ALDH5A1: variants seen among roughly 807,000 people sequenced by gnomAD.
The protein encoded by ALDH5A1 is succinate-semialdehyde dehydrogenase, mitochondrial.
A neutral mutation model predicts 54.7 loss-of-function variants in ALDH5A1; 33 were observed. The ratio of observed to expected loss-of-function variants is 0.60; its 90% CI spans 0.46 to 0.81. ALDH5A1 has a LOEUF of 0.81. ALDH5A1 is among the 30% of genes least tolerant of loss of function. The pLI is 0.00. For synonymous variants in ALDH5A1, 294 were observed against 292.7 expected (o/e 1.00, Z -0.05); for missense variants, 657 against 711.0 (o/e 0.92, Z 0.86).
At chr6:24,515,695 C>T (rs1041856812) in intron 5 of ALDH5A1, among the ~76,000 whole-genome samples, 3 of 152,140 alleles carry the variant, frequency 2.0e-5, no homozygotes, top group Admixed American at 6.5e-5. Flanking sequence ...GCACTCCAGA[C>T]TGGGTGACAG....
chr6:24,500,791 G>C (rs1036524218), intron 1 of ALDH5A1, among the ~76,000 whole-genome samples: 3 of 151,890 alleles, frequency 2.0e-5, no homozygotes, highest in African/African-American at 7.3e-5. Context: ...AATTTATGAC[G>C]CAGTATACCT....
intron 8 of ALDH5A1, among the ~76,000 whole-genome samples, chr6:24,530,080 T>C (rs1473354828): frequency 6.6e-6 from 1 of 152,238 alleles, no homozygotes; most frequent in Non-Finnish European, 1.5e-5. Context: ...AGTAGTCTAT[T>C]ATTGTGATAC....
chr6:24,512,132 G>A (rs566664895), intron 4 of ALDH5A1, among the ~76,000 whole-genome samples: 2 of 152,286 alleles, frequency 1.3e-5, no homozygotes, highest in Admixed American at 1.3e-4. Flanking sequence ...AAGTCTACCA[G>A]GCTCCAGGCT....
chr6:24,520,649 C>A, intron 6 of ALDH5A1, 105 bp downstream of exon 6: 10 of 1,277,016 alleles, frequency 7.8e-6, no homozygotes, highest in South Asian at 1.6e-5. Context: ...TGTGTGTGTG[C>A]GTGTGTGTGT....
intron 7 of ALDH5A1, among the ~76,000 whole-genome samples, chr6:24,523,455 A>G (rs1305981673): frequency 6.6e-6 from 1 of 152,126 alleles, no homozygotes; most frequent in Non-Finnish European, 1.5e-5. Flanking sequence ...AATTCTGCCT[A>G]CCAGTTATAT....
At chr6:24,510,413 C>T (rs2817228) in intron 4 of ALDH5A1, among the ~76,000 whole-genome samples, 30,224 of 151,964 alleles carry the variant, frequency 0.2, 3,368 homozygotes, top group Non-Finnish European at 0.25. Context: ...TGAAATCCCC[C>T]ATTATTATTG....
rs1759536295 is a variant in ALDH5A1 at position 24,515,068 on chromosome 6, C to CT, written c.727-94dup. 4.6e-6 allele frequency: 6 copies of CT among 1,291,870 alleles called. No individual in the cohort carries two copies. The South Asian group carries it at 8.7e-5, about 19-fold the overall frequency. The allele number at this position is 1,291,870 out of a possible 1,614,324, so 80.0% of individuals were successfully genotyped here. On this transcript the variant is annotated intron_variant, in intron 4 of 9. Coordinates refer to ENST00000357578, the MANE Select transcript of ALDH5A1 (RefSeq NM_001080.3). ...TGTCAGCTTAATTTTTCTTCCATTACTTTTTGGGTTAAGTATCTATTTATT... is the reference window on the plus strand; with the variant it reads ...TGTCAGCTTAATTTTTCTTCCATTACTTTTTTGGGTTAAGTATCTATTTATT...
intron 1 of ALDH5A1, among the ~76,000 whole-genome samples, chr6:24,499,852 G>A (rs1200154086): frequency 6.6e-6 from 1 of 151,996 alleles, no homozygotes; most frequent in Non-Finnish European, 1.5e-5. Context: ...GTAGAGACGG[G>A]GTTTCACCGT....
intron 8 of ALDH5A1, among the ~76,000 whole-genome samples, chr6:24,528,529 A>AT (rs1759866218): frequency 6.6e-6 from 1 of 151,414 alleles, no homozygotes; most frequent in Admixed American, 6.6e-5. Context: ...TACCAGGCTA[A>AT]TTTTTTGTAT....
rs1270764197 is a variant in ALDH5A1, at chr6:24,499,741, A to ACTGGCTC, written c.355-2782_355-2781insCTGGCTC. On this transcript the variant is annotated intron_variant, in intron 1 of 9. Coordinates refer to ENST00000357578, the MANE Select transcript of ALDH5A1 (RefSeq NM_001080.3). Reference sequence around the variant, plus strand: ...GAGTGCAGTGGCGCAGTCTCGGCTCAACTGCAACCTCCGCCTCCTAGGTTC... The same window carrying ACTGGCTC: ...GAGTGCAGTGGCGCAGTCTCGGCTCACTGGCTCACTGCAACCTCCGCCTCCTAGGTTC... 1.7e-3 allele frequency among the ~76,000 whole-genome samples: 5 copies of ACTGGCTC among 2,998 alleles called. No individual in the cohort carries two copies. In the African/African-American group the frequency reaches 0.061, roughly 37 times the overall value. The allele number at this position is 2,998 out of a possible 152,430, so 2.0% of individuals were successfully genotyped here. A position where few individuals can be genotyped will look rare whatever the true frequency, so the allele number is the denominator to read the frequency against.
At chr6:24,521,259 G>C (rs1759678044) in intron 6 of ALDH5A1, among the ~76,000 whole-genome samples, 1 of 152,226 alleles carries the variant, frequency 6.6e-6, no homozygotes, top group African/African-American at 2.4e-5. Flanking sequence ...TGATCTGTCA[G>C]GGACCTTCAC....
chr6:24,532,122 C>G lies in ALDH5A1; in HGVS notation c.1347C>G (p.Phe449Leu). The G allele has an allele frequency of 6.2e-7, 1 of 1,614,046 alleles. No individual in the cohort carries two copies. Among genetic ancestry groups the G allele is most frequent in the African/African-American group, 1.3e-5 (1 of 75,026 alleles). Reference protein sequence around the residue: ...TFGPLAPVIKFDTEEEAIAIA... With the variant: ...TFGPLAPVIKLDTEEEAIAIA... ...TGACCTATCTTAACTTTGGCAGGTT[C>G]GATACAGAGGAGGAGGCTATAGCAA... Residue 449 changes from phenylalanine to leucine, a missense_variant, in exon 9 of 10, where the codon TTC (phenylalanine) becomes TTG (leucine). Physicochemically the swap from Phe to Leu is conservative, Grantham distance 22. This residue lies in a region of ALDH5A1 where 425 missense variants were observed against 516.4 expected (regional missense o/e 0.82). Transcript: ENST00000357578.
chr6:24,515,154 T>G lies in ALDH5A1; in HGVS notation c.727-13T>G, dbSNP rs187404409. 1.5e-4 allele frequency: 245 copies of G among 1,608,530 alleles called. No homozygotes were observed. Among genetic ancestry groups the G allele is most frequent in the Non-Finnish European group, 1.9e-4 (225 of 1,176,912 alleles). The stretch of plus-strand genomic sequence containing the variant: ...GTAAATTGTTGGCACATGTTTGCTG[T>G]TTCTCTTTATAGCTTGCAAGCCAGG... On this transcript the variant is annotated splice_polypyrimidine_tract_variant and intron_variant, in intron 4 of 9. Coordinates refer to ENST00000357578, the MANE Select transcript of ALDH5A1 (RefSeq NM_001080.3).
intron 7 of ALDH5A1, among the ~76,000 whole-genome samples, chr6:24,523,876 T>G (rs1482925468): frequency 1.3e-5 from 2 of 152,050 alleles, no homozygotes. Flanking sequence ...AATGTTATAA[T>G]CCATACTACT....
At chr6:24,502,693 C>T in intron 2 of ALDH5A1, 87 bp downstream of exon 2, 2 of 939,332 alleles carry the variant, frequency 2.1e-6, no homozygotes, top group African/African-American at 1.6e-5. Flanking sequence ...CTTCCCTTCA[C>T]TGCTGGCTGT....
intron 7 of ALDH5A1, among the ~76,000 whole-genome samples, chr6:24,526,964 ATG>A (rs1182158053): frequency 1.8e-4 from 3 of 16,758 alleles, no homozygotes; most frequent in African/African-American, 3.9e-4. Flanking sequence ...ATATATATAT[ATG>A]TGTGTGTGTA....
intron 1 of ALDH5A1, among the ~76,000 whole-genome samples, chr6:24,501,612 G>A (rs2127381786): frequency 6.6e-6 from 1 of 152,240 alleles, no homozygotes; most frequent in South Asian, 2.1e-4. Context: ...GTAGTAGGCT[G>A]AGCTGGGGGG....
At chr6:24,526,284 A>G (rs1581822485) in intron 7 of ALDH5A1, among the ~76,000 whole-genome samples, 1 of 152,168 alleles carries the variant, frequency 6.6e-6, no homozygotes, top group Admixed American at 6.5e-5. Context: ...CCACCAGCAC[A>G]TAAGAGGAAA....
intron 8 of ALDH5A1, 143 bp downstream of exon 8, chr6:24,528,309 T>C (rs1759861453): frequency 1.2e-6 from 1 of 857,734 alleles, no homozygotes; most frequent in Non-Finnish European, 1.8e-6. Context: ...GAGTGCAATT[T>C]ATGGGTTTTT....
Sources: gnomAD v4.1 joint callset for allele counts (sites outside exome capture counted in the v4.1 genomes callset) on GRCh38, gnomAD v4.1.1 for gene constraint, gnomAD v4.1.1 regional missense constraint, MANE v1.5 for transcripts, NCBI Gene and HGNC (gene_info 2026-07-23, HGNC 2026-07-21) for gene names.